FBN2: variants seen among roughly 807,000 people sequenced by gnomAD.
FBN2 encodes the protein fibrillin 2, also known as fibrillin-2.
A neutral mutation model predicts 355.6 loss-of-function variants in FBN2; 105 were observed. The observed-to-expected ratio is 0.30, with a 90% confidence interval of 0.25 to 0.35. The LOEUF (loss-of-function observed/expected upper bound fraction) is 0.35. Ranked by LOEUF, FBN2 falls within the 10% of genes least tolerant of loss-of-function variation. The probability of loss-of-function intolerance (pLI) is 1.00; values close to 1 mark genes in which losing one functional copy is unlikely to be tolerated. For synonymous variants in FBN2, 1,350 were observed against 1,301.2 expected (o/e 1.04, Z -0.81); for missense variants, 3,280 against 3,758.7 (o/e 0.87, Z 3.33).
In FBN2 at chr5:128,357,377, C is replaced by T. The variant is rs1751527420; in HGVS notation, c.2573G>A (p.Ser858Asn). 1 of 1,613,864 alleles carries T rather than the reference C, an allele frequency of 6.2e-7. No individual in the cohort carries two copies. The highest frequency in any genetic ancestry group is 8.5e-7 in the Non-Finnish European group (1 of 1,179,774). The change falls in exon 20 of 65, where the codon AGC becomes AAC. Residue 858 changes from serine to asparagine, a missense_variant. Around this residue, in one of 6 missense-constraint regions of FBN2, gnomAD observed 2,284 missense variants for 2,749.5 expected, o/e 0.83. Transcript: ENST00000262464. The part of the protein sequence containing the change: ...ETCEDINECE[S>N]NPCVNGACRN... The stretch of plus-strand genomic sequence containing the variant: ...GCAGGCCCCATTGACACATGGGTTG[C>T]TTTCACATTCATTTATATCTACAAT...
intron 5 of FBN2, among the ~76,000 whole-genome samples, chr5:128,504,653 G>A (rs942435720): frequency 6.6e-6 from 1 of 152,174 alleles, no homozygotes; most frequent in Non-Finnish European, 1.5e-5. Context: ...CCCAATGCCT[G>A]CACAACCATT....
chr5:128,391,884 C>T (rs2126977055), intron 11 of FBN2, 134 bp downstream of exon 11: 4 of 784,528 alleles, frequency 5.1e-6, no homozygotes, highest in Non-Finnish European at 8.5e-6. Context: ...GAATAGCATA[C>T]ACACAGAAGA....
intron 62 of FBN2, among the ~76,000 whole-genome samples, chr5:128,268,602 C>A (rs149509108): frequency 6.6e-6 from 1 of 152,110 alleles, no homozygotes; most frequent in Admixed American, 6.5e-5. Context: ...ATATCCCTGA[C>A]GAACATCGAT....
intron 48 of FBN2, among the ~76,000 whole-genome samples, 190 bp downstream of exon 48, chr5:128,300,627 C>A (rs1450734320): frequency 6.6e-6 from 1 of 152,152 alleles, no homozygotes; most frequent in African/African-American, 2.4e-5. Context: ...ATGAAAAAAT[C>A]CTACATCCCT....
intron 7 of FBN2, among the ~76,000 whole-genome samples, chr5:128,441,788 A>G (rs1038278339): frequency 5.3e-5 from 8 of 151,704 alleles, no homozygotes; most frequent in African/African-American, 1.9e-4. Context: ...GGGAATACAT[A>G]TGTTTTAACT....
chr5:128,369,337 A>C lies in FBN2; in HGVS notation c.2096-3T>G. 6.2e-7 allele frequency: 1 copy of C among 1,613,960 alleles called. No individual in the cohort carries two copies. Among genetic ancestry groups the C allele is most frequent in the Non-Finnish European group, 8.5e-7 (1 of 1,179,892 alleles). On this transcript the variant is annotated splice_polypyrimidine_tract_variant and splice_region_variant and intron_variant, in intron 15 of 64. Coordinates refer to ENST00000262464, the MANE Select transcript of FBN2 (RefSeq NM_001999.4). ...GCAGGTACTGCGCATGTGAGTATCT[A>C]AAGGAGATACAAAAACAATGACTTG...
chr5:128,397,100 G>T (rs533061751), intron 8 of FBN2, among the ~76,000 whole-genome samples: 1 of 151,972 alleles, frequency 6.6e-6, no homozygotes, highest in Non-Finnish European at 1.5e-5. Flanking sequence ...ACCCAAAACC[G>T]AGCACTAAAT....
chr5:128,283,645 T>C (rs944269937), intron 55 of FBN2, among the ~76,000 whole-genome samples: 2 of 152,220 alleles, frequency 1.3e-5, no homozygotes, highest in Non-Finnish European at 2.9e-5. Context: ...GTCAATCCCA[T>C]AATTTTTCAA....
intron 5 of FBN2, among the ~76,000 whole-genome samples, chr5:128,513,085 A>G (rs1483976443): frequency 6.6e-6 from 1 of 152,228 alleles, no homozygotes; most frequent in Non-Finnish European, 1.5e-5. Context: ...GTGGAAGCTT[A>G]CCATGTGTCA....
intron 7 of FBN2, among the ~76,000 whole-genome samples, chr5:128,419,042 A>T (rs942949844): frequency 1.3e-5 from 2 of 152,220 alleles, no homozygotes; most frequent in South Asian, 2.1e-4. Context: ...TTTTCAGTGT[A>T]CAAATCTATC....
intron 11 of FBN2, among the ~76,000 whole-genome samples, chr5:128,386,152 T>C (rs896774513): frequency 3.9e-5 from 6 of 152,164 alleles, no homozygotes; most frequent in African/African-American, 7.2e-5. Context: ...TTTATAGTTT[T>C]AGGTTTTATA....
At chr5:128,520,905 T>C (rs536400118) in intron 4 of FBN2, among the ~76,000 whole-genome samples, 143 of 151,660 alleles carry the variant, frequency 9.4e-4, no homozygotes, top group African/African-American at 3.2e-3. Context: ...ACTTGAAATA[T>C]AAGTAAATAC....
chr5:128,498,260 A>T (rs549406141), intron 5 of FBN2, among the ~76,000 whole-genome samples: 1 of 152,228 alleles, frequency 6.6e-6, no homozygotes, highest in African/African-American at 2.4e-5. Flanking sequence ...AAAATCTCAT[A>T]TATTTTCTTG....
intron 6 of FBN2, among the ~76,000 whole-genome samples, chr5:128,449,385 ATATAATAG>A (rs1283618684): frequency 2.0e-5 from 2 of 98,418 alleles, no homozygotes; most frequent in Non-Finnish European, 3.9e-5. Context: ...ATAGTATACT[ATATAATAG>A]TATACTGTAT....
chr5:128,444,135 C>G (rs1016175376), intron 7 of FBN2, among the ~76,000 whole-genome samples: 1 of 139,914 alleles, frequency 7.1e-6, no homozygotes, highest in Non-Finnish European at 1.5e-5. Flanking sequence ...TGCAGTGGCG[C>G]GATCTCGGCT....
intron 4 of FBN2, 90 bp from the exon 5 acceptor site, chr5:128,519,458 T>C (rs1056765070): frequency 6.7e-6 from 6 of 896,064 alleles, no homozygotes; most frequent in African/African-American, 1.9e-5. Context: ...AAGGATCTTA[T>C]GTTAAATTAT....
intron 58 of FBN2, among the ~76,000 whole-genome samples, chr5:128,277,456 T>C (rs1001142250): frequency 9.2e-5 from 14 of 152,344 alleles, no homozygotes; most frequent in African/African-American, 3.1e-4. Context: ...TCTCTTAATA[T>C]ACACAAACAC....
chr5:128,323,124 C>A (rs1750432997), intron 34 of FBN2, among the ~76,000 whole-genome samples: 1 of 152,172 alleles, frequency 6.6e-6, no homozygotes, highest in Admixed American at 6.5e-5. Flanking sequence ...CCTGAGACTG[C>A]TGAAATTGCT....
chr5:128,457,266 A>C (rs1754418424), intron 6 of FBN2, among the ~76,000 whole-genome samples: 1 of 152,198 alleles, frequency 6.6e-6, no homozygotes, highest in African/African-American at 2.4e-5. Context: ...AAGAATGAAA[A>C]GGAATGAACA....
Sources: allele counts gnomAD v4.1 joint callset (sites outside exome capture counted in the v4.1 genomes callset), GRCh38; gene constraint gnomAD v4.1.1; regional missense constraint gnomAD v4.1.1; transcripts MANE v1.5; gene names NCBI Gene and HGNC (gene_info 2026-07-23, HGNC 2026-07-21).